Variants in LRP2 observed in about 807,000 individuals in gnomAD.
The protein encoded by LRP2 is LDL receptor related protein 2.
LRP2 carries 172 observed loss-of-function variants against 531.0 expected under a neutral mutation model. That is an observed-to-expected ratio of 0.32 (90% CI 0.29 to 0.37). The LOEUF (loss-of-function observed/expected upper bound fraction) is 0.37, where lower values mean the gene tolerates loss of function less well. LRP2 is among the 10% of genes least tolerant of loss of function. The pLI is 1.00. For missense variants in LRP2, 5,167 were observed against 5,868.3 expected (o/e 0.88, Z 3.90); for synonymous variants, 1,992 against 2,027.6 (o/e 0.98, Z 0.47).
chr2:169,203,022 T>G (rs1466765991), intron 42 of LRP2, 63 bp from the exon 43 acceptor site: 14 of 1,354,388 alleles, frequency 1.0e-5, no homozygotes, highest in South Asian at 3.5e-5. Context: ...CATTGACCCC[T>G]CCACAATAGC....
chr2:169,360,554 G>A (rs1264499678), intron 1 of LRP2, among the ~76,000 whole-genome samples: 1 of 152,148 alleles, frequency 6.6e-6, no homozygotes, highest in Non-Finnish European at 1.5e-5. Context: ...GGTTGTACAA[G>A]GACATAGATG....
chr2:169,280,909 T>G (rs1197024652), intron 10 of LRP2, among the ~76,000 whole-genome samples: 3 of 152,180 alleles, frequency 2.0e-5, no homozygotes, highest in Admixed American at 2.0e-4. Flanking sequence ...AGAAGACATT[T>G]TAAAGATTAC....
At chr2:169,338,871 C>G (rs1026421349) in intron 1 of LRP2, among the ~76,000 whole-genome samples, 8 of 152,334 alleles carry the variant, frequency 5.3e-5, no homozygotes, top group Non-Finnish European at 8.8e-5. Flanking sequence ...CAAACCACTG[C>G]TCCACCTCTT....
In LRP2 at chr2:169,275,060, A is replaced by G. The variant is rs185716374; in HGVS notation, c.1951T>C (p.Tyr651His). ...ASLRPYGVTV[Y>H]HSLRQPYATN... ...CCATAGGGCTGTCTGAGGGAATGGT[A>G]AACAGTCACTCCATAGGGCCTCAGG... Residue 651 changes from tyrosine to histidine, a missense_variant, in exon 14 of 79, where the codon TAC becomes CAC. Around this residue, in one of 6 missense-constraint regions of LRP2, gnomAD observed 2,811 missense variants for 3,058.0 expected, o/e 0.92. Transcript: ENST00000649046. 4.3e-6 allele frequency: 7 copies of G among 1,613,622 alleles called. No individual in the cohort carries two copies.
chr2:169,131,285 G>C lies in LRP2; in HGVS notation c.13728+1289C>G, dbSNP rs1685280620. Among the ~76,000 whole-genome samples the C allele has an allele frequency of 2.0e-5, 3 of 149,520 alleles. No homozygotes were observed. In the South Asian group the frequency reaches 6.3e-4, roughly 31 times the overall value. ...TGTGTGTGTGTGTGTGTGTGTGTGTGTGTGACATGAGAAGAAGAAATAAGG... is the reference window on the plus strand; with the variant it reads ...TGTGTGTGTGTGTGTGTGTGTGTGTCTGTGACATGAGAAGAAGAAATAAGG... On this transcript the variant is annotated intron_variant, in intron 77 of 78. Coordinates refer to ENST00000649046, the MANE Select transcript of LRP2 (RefSeq NM_004525.3).
rs543040878 is a variant in LRP2 at position 169,200,108 on chromosome 2, A to G, written c.8453-1197T>C. On this transcript the variant is annotated intron_variant, in intron 44 of 78. Transcript: ENST00000649046. ...TACTAAAAAATACAAAAAATTAGCCAGGCATGGTGGCGGGTGCCTGTAGTC... is the reference window on the plus strand; with the variant it reads ...TACTAAAAAATACAAAAAATTAGCCGGGCATGGTGGCGGGTGCCTGTAGTC... Among the ~76,000 whole-genome samples the G allele has an allele frequency of 1.6e-3, 240 of 152,190 alleles. 4 individuals carry two copies. Among genetic ancestry groups the G allele is most frequent in the East Asian group, 9.7e-4 (5 of 5,178 alleles).
rs201115003 is a variant in LRP2 at position 169,246,908 on chromosome 2, C to A, written c.2987G>T (p.Arg996Leu). ...HFCFPVPNFQ[R>L]VCGCPYGMRL... The stretch of plus-strand genomic sequence containing the variant: ...CATTCCATAAGGGCACCCACACACT[C>A]GCTGGAAATTTGGCACCGGGAAGCA... Residue 996 changes from arginine (R) to leucine (L), a missense_variant, in exon 21 of 79, where the codon CGA (arginine) becomes CTA (leucine). This residue lies in a region of LRP2 where 2,811 missense variants were observed against 3,058.0 expected (regional missense o/e 0.92). Coordinates refer to ENST00000649046, the MANE Select transcript of LRP2 (RefSeq NM_004525.3). 6.2e-6 allele frequency: 10 copies of A among 1,614,044 alleles called. No homozygotes were observed. Among genetic ancestry groups the A allele is most frequent in the African/African-American group, 2.7e-5 (2 of 74,896 alleles).
intron 30 of LRP2, among the ~76,000 whole-genome samples, chr2:169,232,207 A>AT (rs1689432615): frequency 7.9e-6 from 1 of 126,998 alleles, no homozygotes; most frequent in Admixed American, 7.4e-5. Flanking sequence ...ATCTTTTTGC[A>AT]TTAAAAAAAA....
chr2:169,188,205 A>G lies in LRP2; in HGVS notation c.9093T>C (p.Thr3031=), dbSNP rs1226141130. 6.2e-7 allele frequency: 1 copy of G among 1,614,164 alleles called. No homozygotes were observed. The highest frequency in any genetic ancestry group is 1.7e-5 in the Admixed American group (1 of 60,014). ...YSDERGCLYQ[T]CQQNQFTCQN... ...GACAGGTAAACTGATTCTGTTGGCAAGTCTGGTATAAGCAGCCCCTCTCGT... is the reference window on the plus strand; with the variant it reads ...GACAGGTAAACTGATTCTGTTGGCAGGTCTGGTATAAGCAGCCCCTCTCGT... Residue 3031 remains threonine, a synonymous_variant, in exon 49 of 79, where the codon ACT becomes ACC. Transcript: ENST00000649046.
chr2:169,268,559 C>G (rs9677453), intron 16 of LRP2, among the ~76,000 whole-genome samples: 1,584 of 152,184 alleles, frequency 0.01, 32 homozygotes, highest in African/African-American at 0.036. Context: ...ATTCAACAGC[C>G]CTTCATGCTA....
intron 19 of LRP2, 150 bp downstream of exon 19, chr2:169,255,956 T>G: frequency 1.4e-6 from 1 of 705,674 alleles, no homozygotes; most frequent in Non-Finnish European, 2.3e-6. Context: ...AACCAAATGT[T>G]TTGTCTAAAT....
chr2:169,323,353 TG>T (rs1229372720), intron 1 of LRP2, among the ~76,000 whole-genome samples: 2 of 152,330 alleles, frequency 1.3e-5, no homozygotes, highest in East Asian at 1.9e-4. Flanking sequence ...TTATCATTGC[TG>T]GGTGACCTCT....
chr2:169,168,018 AATATAT>A lies in LRP2; in HGVS notation c.11635+515_11635+520del, dbSNP rs4001548. Among the ~76,000 whole-genome samples, 110 of 68,186 alleles carry A rather than the reference AATATAT, an allele frequency of 1.6e-3. 8 individuals are homozygous for A. Among genetic ancestry groups the A allele is most frequent in the Middle Eastern group, 0.012 (1 of 82 alleles). The allele number at this position is 68,186 out of a possible 152,430, so 44.7% of individuals were successfully genotyped here. A position where few individuals can be genotyped will look rare whatever the true frequency, so the allele number is the denominator to read the frequency against. On this transcript the variant is annotated intron_variant, in intron 61 of 78. Transcript: ENST00000649046. ...AGACTCACAAACAAGCAGGGTTTAA[AATATAT>A]ATATATATATATATATATATATGCA...
At chr2:169,154,281 A>G (rs551840276) in intron 66 of LRP2, among the ~76,000 whole-genome samples, 179 bp downstream of exon 66, 1 of 152,352 alleles carries the variant, frequency 6.6e-6, no homozygotes, top group East Asian at 1.9e-4. Context: ...AAATCAGGAA[A>G]GCTTGGCTGG....
At chr2:169,158,875 T>C (rs1169450541) in intron 63 of LRP2, among the ~76,000 whole-genome samples, 1 of 151,964 alleles carries the variant, frequency 6.6e-6, no homozygotes, top group Non-Finnish European at 1.5e-5. Flanking sequence ...ACACAGTTTA[T>C]TTTTGTAGAG....
chr2:169,128,780 A>G lies in LRP2; in HGVS notation c.13851T>C (p.Pro4617=). The change falls in exon 79 of 79, where the codon CCT becomes CCC. Residue 4617 remains proline, a synonymous_variant. Transcript: ENST00000649046. ...ESVAATPPPS[P]SLPAKPKPPS... Reference sequence around the variant, plus strand: ...GAGGCTTAGGCTTAGCAGGGAGCGAAGGTGATGGAGGTGGTGTCGCAGCAA... The same window carrying G: ...GAGGCTTAGGCTTAGCAGGGAGCGAGGGTGATGGAGGTGGTGTCGCAGCAA... 1 of 1,614,112 alleles carries G rather than the reference A, an allele frequency of 6.2e-7. No individual in the cohort carries two copies. The highest frequency in any genetic ancestry group is 1.6e-4 in the Middle Eastern group (1 of 6,062).
Position 169,279,463 on chromosome 2 carries a change from CTA to C in LRP2, c.1472_1473del (p.Ile491ArgfsTer16). The C allele has an allele frequency of 6.2e-7, 1 of 1,614,024 alleles. No homozygotes were observed. Among genetic ancestry groups the C allele is most frequent in the Non-Finnish European group, 8.5e-7 (1 of 1,179,962 alleles). On this transcript the variant is annotated frameshift_variant, in exon 12 of 79. Transcript: ENST00000649046. LOFTEE classifies it high-confidence loss of function. The part of the protein sequence containing the change: ...IYLVETKVNR[I>X]DMVNLDGSYR... ...TAGCTTCCATCCAAATTTACCATAT[CTA>C]TGCGGTTGACCTTGGTTTCCACTAG... is the stretch of plus-strand genomic sequence containing the variant.
chr2:169,182,317 T>C lies in LRP2; in HGVS notation c.9848A>G (p.Lys3283Arg), dbSNP rs1165575525. 3 of 1,613,608 alleles carry C rather than the reference T, an allele frequency of 1.9e-6. No homozygotes were observed. Among genetic ancestry groups the C allele is most frequent in the Non-Finnish European group, 2.5e-6 (3 of 1,179,878 alleles). ...ESLAVDWVSR[K>R]LYWLDARLDG... ...CAGGCGGGCATCCAACCAGTAGAGC[T>C]TTCTAAAATGGAGAGCCAGGAGTTA... The change falls in exon 51 of 79, where the codon AAG becomes AGG. Residue 3283 changes from lysine to arginine, a missense_variant and splice_region_variant. This residue lies in a region of LRP2 where 1,129 missense variants were observed against 1,362.7 expected (regional missense o/e 0.83). Coordinates refer to ENST00000649046, the MANE Select transcript of LRP2 (RefSeq NM_004525.3).
intron 67 of LRP2, among the ~76,000 whole-genome samples, chr2:169,152,366 GT>G (rs1207715301): frequency 6.6e-6 from 1 of 152,150 alleles, no homozygotes; most frequent in Non-Finnish European, 1.5e-5. Flanking sequence ...TAGAAAAAAA[GT>G]TTCATCTCAA....
Sources: gnomAD v4.1 joint callset for allele counts (sites outside exome capture counted in the v4.1 genomes callset) on GRCh38, gnomAD v4.1.1 for gene constraint, gnomAD v4.1.1 regional missense constraint, MANE v1.5 for transcripts, NCBI Gene and HGNC (gene_info 2026-07-23, HGNC 2026-07-21) for gene names.